Variants in TPX2 observed in about 807,000 individuals in gnomAD.
TPX2 encodes TPX2 microtubule nucleation factor.
TPX2 carries 21 observed loss-of-function variants against 93.6 expected under a neutral mutation model. That is an observed-to-expected ratio of 0.22 (90% CI 0.16 to 0.32). The LOEUF (loss-of-function observed/expected upper bound fraction) is 0.32. TPX2 is among the 10% of genes least tolerant of loss of function. The pLI, the probability that TPX2 is intolerant of heterozygous loss-of-function variation, is 1.00. For missense variants in TPX2, 776 were observed against 871.1 expected, an observed-to-expected ratio of 0.89 and a Z score of 1.37; for synonymous variants, 281 against 298.3, an observed-to-expected ratio of 0.94 and a Z score of 0.60.
In TPX2 at chr20:31,797,530, A is replaced by C; in HGVS notation, c.1945+15A>C. 1.2e-6 allele frequency: 2 copies of C among 1,608,342 alleles called. No homozygotes were observed. The highest frequency in any genetic ancestry group is 1.7e-6 in the Non-Finnish European group (2 of 1,175,614). The stretch of plus-strand genomic sequence containing the variant: ...ATCAGTTGCTGGTAGTATTATATGT[A>C]CTCTGATGGGACTCGGGCAGAATTG... On this transcript the variant is annotated intron_variant, in intron 16 of 17. Coordinates refer to ENST00000300403, the MANE Select transcript of TPX2 (RefSeq NM_012112.5).
rs182790035 is a variant in TPX2 at position 31,740,773 on chromosome 20, T to G, written c.-178+1152T>G. ...GAGTTCAAGAGCCAGTTTGTGTTTCTGTGCTTCACAAAGCCACCCTTGTCT... is the reference window on the plus strand; with the variant it reads ...GAGTTCAAGAGCCAGTTTGTGTTTCGGTGCTTCACAAAGCCACCCTTGTCT... On this transcript the variant is annotated intron_variant, in intron 1 of 17. Coordinates refer to ENST00000300403, the MANE Select transcript of TPX2 (RefSeq NM_012112.5). 4.4e-4 allele frequency among the ~76,000 whole-genome samples: 67 copies of G among 152,324 alleles called. No homozygotes were observed. The East Asian group carries it at 0.013, about 29-fold the overall frequency.
At chr20:31,777,106 A>G (rs2062005185) in intron 8 of TPX2, among the ~76,000 whole-genome samples, 1 of 152,140 alleles carries the variant, frequency 6.6e-6, no homozygotes, top group African/African-American at 2.4e-5. Flanking sequence ...GCACCCCTGG[A>G]GTTTATAGGA....
intron 2 of TPX2, among the ~76,000 whole-genome samples, chr20:31,747,589 A>G (rs901481365): frequency 6.6e-6 from 1 of 152,174 alleles, no homozygotes; most frequent in Non-Finnish European, 1.5e-5. Context: ...CATACAGGAT[A>G]GGCTTTTTCC....
At chr20:31,783,484 C>T (rs1196384339) in intron 11 of TPX2, among the ~76,000 whole-genome samples, 1 of 152,110 alleles carries the variant, frequency 6.6e-6, no homozygotes, top group Non-Finnish European at 1.5e-5. Flanking sequence ...CTCCTGACCT[C>T]AAATTATCTG....
At chr20:31,755,106 G>T (rs990483502) in intron 2 of TPX2, among the ~76,000 whole-genome samples, 3 of 152,026 alleles carry the variant, frequency 2.0e-5, no homozygotes, top group African/African-American at 4.8e-5. Context: ...CCACCACTGC[G>T]CCTGGCTAAT....
chr20:31,770,235 C>T (rs2061956688), intron 5 of TPX2, 108 bp from the exon 6 acceptor site: 2 of 704,750 alleles, frequency 2.8e-6, no homozygotes, highest in Admixed American at 4.2e-5. Context: ...TAATAGCACT[C>T]CATTTTATTG....
At chr20:31,756,073 T>C (rs1188646525) in intron 2 of TPX2, among the ~76,000 whole-genome samples, 2 of 152,236 alleles carry the variant, frequency 1.3e-5, no homozygotes, top group Non-Finnish European at 2.9e-5. Flanking sequence ...TTTGAGAATA[T>C]TTCTAAGAAA....
chr20:31,783,705 A>T lies in TPX2; in HGVS notation c.1197A>T (p.Gln399His). 2 of 1,589,710 alleles carry T rather than the reference A, an allele frequency of 1.3e-6. No homozygotes were observed. The highest frequency in any genetic ancestry group is 1.7e-6 in the Non-Finnish European group (2 of 1,174,578). Reference protein sequence around the residue: ...LEAEELEKLQQYKFKARELDP... With the variant: ...LEAEELEKLQHYKFKARELDP... ...GGTTATTTAAATTTTCACCTTACAG[A>T]TACAAATTCAAAGCACGTGAACTTG... The change falls in exon 12 of 18, where the codon CAA (glutamine) becomes CAT (histidine). Residue 399 changes from glutamine (Q) to histidine (H), a missense_variant and splice_region_variant. Transcript: ENST00000300403.
intron 5 of TPX2, among the ~76,000 whole-genome samples, chr20:31,767,996 A>G (rs930172452): frequency 6.8e-6 from 1 of 148,128 alleles, no homozygotes; most frequent in Non-Finnish European, 1.5e-5. Context: ...CAATGGCATG[A>G]TCTTGGCTCA....
intron 2 of TPX2, among the ~76,000 whole-genome samples, chr20:31,747,472 A>G (rs1420590157): frequency 6.6e-6 from 1 of 152,002 alleles, no homozygotes; most frequent in Admixed American, 6.6e-5. Flanking sequence ...CTATCTATCT[A>G]TCTATCTATC....
In TPX2 at chr20:31,766,631, C is replaced by T. The variant is rs1356681956; in HGVS notation, c.305C>T (p.Ser102Phe). 1 of 1,613,676 alleles carries T rather than the reference C, an allele frequency of 6.2e-7. No individual in the cohort carries two copies. The highest frequency in any genetic ancestry group is 1.3e-5 in the African/African-American group (1 of 74,834). ...EQSIPSNACS[S>F]LEVEAAISRK... The stretch of plus-strand genomic sequence containing the variant: ...TCCATTCCGTCAAATGCTTGTTCTT[C>T]CCTGGAAGTTGAGGCAGCCATATCA... Residue 102 changes from serine to phenylalanine, a missense_variant, in exon 5 of 18, where the codon TCC (serine) becomes TTC (phenylalanine). Physicochemically the swap from Ser to Phe is radical, Grantham distance 155. This residue lies in a region of TPX2 where 279 missense variants were observed against 261.6 expected (regional missense o/e 1.07). Coordinates refer to ENST00000300403, the MANE Select transcript of TPX2 (RefSeq NM_012112.5).
intron 2 of TPX2, among the ~76,000 whole-genome samples, chr20:31,748,708 G>A (rs927812132): frequency 6.6e-6 from 1 of 152,146 alleles, no homozygotes; most frequent in Non-Finnish European, 1.5e-5. Context: ...ACACTGCTAT[G>A]TATTAGTTTG....
At chr20:31,763,055 A>G (rs2061899961) in intron 4 of TPX2, among the ~76,000 whole-genome samples, 1 of 152,142 alleles carries the variant, frequency 6.6e-6, no homozygotes, top group African/African-American at 2.4e-5. Context: ...TGCCAGTACC[A>G]TGCTGTTATG....
At position 31,760,150 on chromosome 20, in the gene TPX2, A is replaced by G. The variant is rs763256856; in HGVS notation, c.200A>G (p.Gln67Arg). The change falls in exon 4 of 18, where the codon CAG becomes CGG. Residue 67 changes from glutamine to arginine, a missense_variant. Around this residue, in one of 3 missense-constraint regions of TPX2, gnomAD observed 279 missense variants for 261.6 expected, o/e 1.07. Transcript: ENST00000300403. ...ACTCCTTTGAGAAAGGCTAATCTTCAGCAAGCTATTGTCACACCTTTGAAA... is the reference window on the plus strand; with the variant it reads ...ACTCCTTTGAGAAAGGCTAATCTTCGGCAAGCTATTGTCACACCTTTGAAA... Reference protein sequence around the residue: ...GKTPLRKANLQQAIVTPLKPV... With the variant: ...GKTPLRKANLRQAIVTPLKPV... 33 of 1,613,878 alleles carry G rather than the reference A, an allele frequency of 2.0e-5. No homozygotes were observed. In the Admixed American group the frequency reaches 4.0e-4, roughly 20 times the overall value.
At chr20:31,744,627 G>A (rs2061773363) in intron 2 of TPX2, among the ~76,000 whole-genome samples, 1 of 151,846 alleles carries the variant, frequency 6.6e-6, no homozygotes, top group African/African-American at 2.4e-5. Flanking sequence ...CCATCTCCTG[G>A]GCTCAAGTGA....
In TPX2 at chr20:31,771,438, G is replaced by A. The variant is rs559467059; in HGVS notation, c.486-122G>A. 131 of 1,266,456 alleles carry A rather than the reference G, an allele frequency of 1.0e-4. No homozygotes were observed. The African/African-American group carries it at 1.7e-3, about 16-fold the overall frequency. The allele number at this position is 1,266,456 out of a possible 1,614,324, so 78.5% of individuals were successfully genotyped here. The stretch of plus-strand genomic sequence containing the variant: ...ATACTGTTGGAAGAATCATGTGGTC[G>A]AAGCATGCTTGTTATCCTATAGAAT... On this transcript the variant is annotated intron_variant, in intron 6 of 17. Coordinates refer to ENST00000300403, the MANE Select transcript of TPX2 (RefSeq NM_012112.5).
chr20:31,774,503 C>G (rs926026028), intron 7 of TPX2, among the ~76,000 whole-genome samples: 1 of 152,008 alleles, frequency 6.6e-6, no homozygotes, highest in African/African-American at 2.4e-5. Flanking sequence ...CTGTGTTGAA[C>G]ATTACCATGT....
At position 31,776,104 on chromosome 20, in the gene TPX2, C is replaced by T. The variant is rs866140742; in HGVS notation, c.730+116C>T. 789 of 947,856 alleles carry T rather than the reference C, an allele frequency of 8.3e-4. 4 individuals carry two copies. Among genetic ancestry groups the T allele is most frequent in the Middle Eastern group, 6.9e-3 (14 of 2,032 alleles). 58.7% of individuals were successfully genotyped at this position (947,856 alleles called of 1,614,324 possible). A position where few individuals can be genotyped will look rare whatever the true frequency, so the allele number is the denominator to read the frequency against. The stretch of plus-strand genomic sequence containing the variant: ...TTTTTTTTTTTTTGAGACGGAGTCT[C>T]GCTCTGTCGCCCAGGCCGGACTGCG... On this transcript the variant is annotated intron_variant, in intron 8 of 17. Coordinates refer to ENST00000300403, the MANE Select transcript of TPX2 (RefSeq NM_012112.5).
chr20:31,752,594 G>T (rs1162143464), intron 2 of TPX2, among the ~76,000 whole-genome samples: 1 of 152,074 alleles, frequency 6.6e-6, no homozygotes, highest in Non-Finnish European at 1.5e-5. Context: ...AAGTTCCTTT[G>T]TGTTCAGGAC....
Sources: gnomAD v4.1 joint callset for allele counts (sites outside exome capture counted in the v4.1 genomes callset) on GRCh38, gnomAD v4.1.1 for gene constraint, gnomAD v4.1.1 regional missense constraint, MANE v1.5 for transcripts, NCBI Gene and HGNC (gene_info 2026-07-23, HGNC 2026-07-21) for gene names.